ADRA1A: variants seen among roughly 807,000 people sequenced by gnomAD.
ADRA1A encodes the protein alpha-1A adrenergic receptor.
Under a neutral mutation model 29.6 loss-of-function variants are expected in ADRA1A, and 31 were observed. The observed-to-expected ratio is 1.05, with a 90% CI of 0.79 to 1.41. ADRA1A has a LOEUF of 1.41. Ranked by LOEUF, ADRA1A falls within the 40% of genes most tolerant of loss-of-function variation. The pLI is 0.00. For synonymous variants in ADRA1A, 311 were observed against 254.3 expected (o/e 1.22, Z -2.12); for missense variants, 619 against 601.1 (o/e 1.03, Z -0.31).
chr8:26,775,168 T>A lies in ADRA1A; in HGVS notation c.884-4502A>T, dbSNP rs148056031. 1.6e-3 allele frequency among the ~76,000 whole-genome samples: 250 copies of A among 152,294 alleles called. 1 individual carries two copies. The highest frequency in any genetic ancestry group is 0.012 in the South Asian group (59 of 4,824). ...TTGAAGGCATTCTCCTAGTTTTTGC[T>A]GCATGAATGGCCGACCTTCTGACAG... On this transcript the variant is annotated intron_variant, in intron 2 of 2. Coordinates refer to ENST00000380573, the MANE Select transcript of ADRA1A (RefSeq NM_000680.4). The surrounding 1 kb of genome is among the most constrained non-coding windows in gnomAD (Gnocchi z 4.1).
chr8:26,864,297 C>G lies in ADRA1A; in HGVS notation c.673G>C (p.Asp225His), dbSNP rs745411477. 34 of 1,613,974 alleles carry G rather than the reference C, an allele frequency of 2.1e-5. No individual in the cohort carries two copies. The highest frequency in any genetic ancestry group is 2.5e-6 in the Non-Finnish European group (3 of 1,180,030). The change falls in exon 2 of 3, where the codon GAC becomes CAC. Residue 225 changes from aspartate (D) to histidine (H), a missense_variant. By Grantham distance (81) the Asp-to-His change is moderately conservative (BLOSUM62 -1). Coordinates refer to ENST00000380573, the MANE Select transcript of ADRA1A (RefSeq NM_000680.4). The surrounding 1 kb of genome is among the most constrained non-coding windows in gnomAD (Gnocchi z 8.1). ...SRGLKSGLKT[D>H]KSDSEQVTLR... is the part of the protein sequence containing the mutation. ...GTCACTTGCTCCGAGTCCGACTTGT[C>G]GGTCTTGAGGCCAGACTTGAGGCCC...
intron 2 of ADRA1A, chr8:26,853,743 A>T (rs1205470014): frequency 6.6e-6 from 1 of 152,186 alleles, no homozygotes; most frequent in African/African-American, 2.4e-5. Flanking sequence ...ATGATGCTCT[A>T]AAAGAATGAG....
rs1813804284 is a variant in ADRA1A, at chr8:26,865,026, G to A, written c.-57C>T. The stretch of plus-strand genomic sequence containing the variant: ...GTCCAGGGCCACCTCCCGGGCTGGC[G>A]CGGAGGCGGGAGCGCGGGAGCCGGG... On this transcript the variant is annotated 5_prime_UTR_variant, in exon 2 of 3. Transcript: ENST00000380573. This position sits in a 1 kb window ranked among gnomAD's most constrained non-coding sequence, Gnocchi z 7.6. The A allele has an allele frequency of 2.6e-6, 4 of 1,523,262 alleles. No individual in the cohort carries two copies. The South Asian group carries it at 5.1e-5, about 20-fold the overall frequency. The allele number at this position is 1,523,262 out of a possible 1,614,324, so 94.4% of individuals were successfully genotyped here.
rs1243355346 is a variant in ADRA1A, at chr8:26,864,927, T to C, written c.43A>G (p.Thr15Ala). 1.2e-6 allele frequency: 2 copies of C among 1,612,538 alleles called. No homozygotes were observed. Among genetic ancestry groups the C allele is most frequent in the East Asian group, 2.2e-5 (1 of 44,812 alleles). Reference protein sequence around the residue: ...SGNASDSSNCTQPPAPVNISK... With the variant: ...SGNASDSSNCAQPPAPVNISK... ...ATGTTCACCGGTGCCGGCGGTTGGG[T>C]GCAGTTGGAGCTGTCGGAAGCATTT... The change falls in exon 2 of 3, where the codon ACC becomes GCC. Residue 15 changes from threonine to alanine, a missense_variant. Coordinates refer to ENST00000380573, the MANE Select transcript of ADRA1A (RefSeq NM_000680.4). The surrounding 1 kb of genome is among the most constrained non-coding windows in gnomAD (Gnocchi z 8.1).
exon 3 of ADRA1A, chr8:26,756,461 T>G: frequency 6.8e-7 from 1 of 1,460,118 alleles, no homozygotes; most frequent in Non-Finnish European, 9.1e-7. Flanking sequence ...GGAGGGAGGT[T>G]GTATGAAACT....
At chr8:26,811,415 G>A (rs546768379) in intron 2 of ADRA1A, among the ~76,000 whole-genome samples, 3 of 151,962 alleles carry the variant, frequency 2.0e-5, no homozygotes, top group Admixed American at 6.6e-5. Context: ...GATGGTCTCG[G>A]TCTCCTGACC....
At chr8:26,834,386 A>AGGTGAAAAACTAAAATGAGATG (rs1811198679) in intron 2 of ADRA1A, among the ~76,000 whole-genome samples, 1 of 152,238 alleles carries the variant, frequency 6.6e-6, no homozygotes, top group South Asian at 2.1e-4. Context: ...GAATAATTAT[A>AGGTGAAAAACTAAAATGAGATG]GGTGAAAAAC....
chr8:26,763,173 C>G (rs1805600251), downstream of ADRA1A, among the ~76,000 whole-genome samples: 1 of 152,170 alleles, frequency 6.6e-6, no homozygotes. The surrounding 1 kb of genome is among the most constrained non-coding windows in gnomAD (Gnocchi z 4.5). Context: ...AACCCCATGG[C>G]TCTCCTTGGT....
At chr8:26,750,219 T>G (rs1175220476) in intron 2 of ADRA1A, among the ~76,000 whole-genome samples, 3 of 152,140 alleles carry the variant, frequency 2.0e-5, no homozygotes, top group African/African-American at 7.2e-5. Flanking sequence ...TTCTTTTTTT[T>G]GAGACAGAAT....
In ADRA1A at chr8:26,821,369, A is replaced by G. The variant is rs545502770; in HGVS notation, c.883+42718T>C. Among the ~76,000 whole-genome samples the G allele has an allele frequency of 6.6e-6, 1 of 152,268 alleles. No individual in the cohort carries two copies. Among genetic ancestry groups the G allele is most frequent in the African/African-American group, 2.4e-5 (1 of 41,568 alleles). On this transcript the variant is annotated intron_variant, in intron 2 of 2. Transcript: ENST00000380573. The surrounding 1 kb of genome is among the most constrained non-coding windows in gnomAD (Gnocchi z 5.6). ...GGAAGGCTAAGGGAGAGCAGGAAATATCACATGGTGAGAGTGGGAGCAAGA... is the reference window on the plus strand; with the variant it reads ...GGAAGGCTAAGGGAGAGCAGGAAATGTCACATGGTGAGAGTGGGAGCAAGA...
At chr8:26,826,061 G>C (rs922237272) in intron 2 of ADRA1A, among the ~76,000 whole-genome samples, 4 of 152,184 alleles carry the variant, frequency 2.6e-5, no homozygotes, top group Non-Finnish European at 1.5e-5. Flanking sequence ...ATGAACAGAG[G>C]GTGCATTCCA....
At chr8:26,761,974 T>C (rs1319549573), downstream of ADRA1A, among the ~76,000 whole-genome samples, 1 of 152,168 alleles carries the variant, frequency 6.6e-6, no homozygotes, top group East Asian at 1.9e-4. Flanking sequence ...TTCCGATGGG[T>C]TAAGCATTGC....
In ADRA1A at chr8:26,769,434, C is replaced by A. The variant is rs61760507; in HGVS notation, c.*715G>T. On this transcript the variant is annotated 3_prime_UTR_variant, in exon 3 of 3. Transcript: ENST00000380573. ...TTGTTTTCTCTTGGGAAAAGCCATA[C>A]CACCCTGGTTGGTTCTTTCAACCCT... is the stretch of plus-strand genomic sequence containing the variant. 13 of 985,282 alleles carry A rather than the reference C, an allele frequency of 1.3e-5. No homozygotes were observed. The highest frequency in any genetic ancestry group is 6.1e-5 in the Admixed American group (1 of 16,262). 61.0% of individuals were successfully genotyped at this position (985,282 alleles called of 1,614,324 possible).
chr8:26,802,870 C>T (rs1249189247), intron 2 of ADRA1A, among the ~76,000 whole-genome samples: 2 of 152,138 alleles, frequency 1.3e-5, no homozygotes, highest in African/African-American at 2.4e-5. Flanking sequence ...GGTACATATA[C>T]ACAATGGAAT....
intron 2 of ADRA1A, among the ~76,000 whole-genome samples, chr8:26,784,257 C>A (rs975814316): frequency 1.3e-5 from 2 of 152,136 alleles, no homozygotes; most frequent in Admixed American, 6.5e-5. Flanking sequence ...TCCCTGGTAC[C>A]CGTTGTGATT....
At chr8:26,842,897 A>ACACT (rs1167795681) in intron 2 of ADRA1A, among the ~76,000 whole-genome samples, 1 of 150,902 alleles carries the variant, frequency 6.6e-6, no homozygotes, top group Non-Finnish European at 1.5e-5. Flanking sequence ...ACACACACAC[A>ACACT]CACACACACA....
intron 2 of ADRA1A, among the ~76,000 whole-genome samples, chr8:26,847,672 C>T (rs1016782236): frequency 6.6e-6 from 1 of 152,218 alleles, no homozygotes; most frequent in African/African-American, 2.4e-5. Context: ...AAGACGACTG[C>T]TCTGCCAGCA....
intron 2 of ADRA1A, among the ~76,000 whole-genome samples, chr8:26,749,564 C>T (rs754166856): frequency 4.6e-5 from 7 of 152,076 alleles, no homozygotes; most frequent in African/African-American, 1.7e-4. Flanking sequence ...GGGTGGTTAC[C>T]TTTAGGGATT....
chr8:26,861,650 T>G (rs1451743137), intron 2 of ADRA1A, among the ~76,000 whole-genome samples: 1 of 152,144 alleles, frequency 6.6e-6, no homozygotes, highest in Non-Finnish European at 1.5e-5. Flanking sequence ...CTCAACACAG[T>G]GATACAAAAG....
Sources: gnomAD v4.1 joint callset for allele counts (sites outside exome capture counted in the v4.1 genomes callset) on GRCh38, gnomAD v4.1.1 for gene constraint, Gnocchi (gnomAD v3.1) non-coding constraint, MANE v1.5 for transcripts, NCBI Gene and HGNC (gene_info 2026-07-23, HGNC 2026-07-21) for gene names.